Variants in SPATA6L observed in about 807,000 individuals in gnomAD.
SPATA6L encodes spermatogenesis associated 6 like, also known as spermatogenesis associated 6-like protein.
In SPATA6L, 68 loss-of-function variants were observed where a neutral mutation model predicts 49.2. That is an observed-to-expected ratio of 1.38 (90% CI 1.14 to 1.69). SPATA6L has a LOEUF of 1.69. SPATA6L is among the 40% of genes most tolerant of loss of function. The probability of loss-of-function intolerance (pLI) is 0.00; values close to 1 mark genes in which losing one functional copy is unlikely to be tolerated. For synonymous variants in SPATA6L, 198 were observed against 165.7 expected (o/e 1.19, Z -1.50); for missense variants, 668 against 464.3 (o/e 1.44, Z -4.03).
intron 3 of SPATA6L, among the ~76,000 whole-genome samples, chr9:4,646,853 A>C (rs1835496205): frequency 6.6e-6 from 1 of 152,178 alleles, no homozygotes; most frequent in South Asian, 2.1e-4. Flanking sequence ...TCACTTAAAA[A>C]TGGGAGTTAA....
intron 3 of SPATA6L, among the ~76,000 whole-genome samples, chr9:4,651,692 T>TAAA (rs78203548): frequency 1.3e-5 from 2 of 151,840 alleles, no homozygotes; most frequent in Non-Finnish European, 2.9e-5. Flanking sequence ...AAATAAAGGA[T>TAAA]AAAAAAATCA....
At chr9:4,627,932 T>C in intron 5 of SPATA6L, 1 of 653,814 alleles carries the variant, frequency 1.5e-6, no homozygotes, top group Non-Finnish European at 2.3e-6. Flanking sequence ...TCAGCCATTA[T>C]TTTTTATGTC....
At position 4,600,757 on chromosome 9, in the gene SPATA6L, T is replaced by C. The variant is rs1231831463; in HGVS notation, c.*54A>G. 6.6e-6 allele frequency: 1 copy of C among 152,240 alleles called. No individual in the cohort carries two copies. Among genetic ancestry groups the C allele is most frequent in the Non-Finnish European group, 1.5e-5 (1 of 68,046 alleles). 9.4% of individuals were successfully genotyped at this position (152,240 alleles called of 1,614,324 possible). A position where few individuals can be genotyped will look rare whatever the true frequency, so the allele number is the denominator to read the frequency against. ...TTCATTTCTTTAAGGATGCTTCAAT[T>C]GTCTCAGTGAGTGAGCTCTTCATGA... On this transcript the variant is annotated 3_prime_UTR_variant, in exon 12 of 12. Coordinates refer to ENST00000682582, the MANE Select transcript of SPATA6L (RefSeq NM_001353486.2).
chr9:4,654,964 G>A (rs1233494381), intron 3 of SPATA6L, among the ~76,000 whole-genome samples: 4 of 151,950 alleles, frequency 2.6e-5, no homozygotes, highest in South Asian at 2.1e-4. Flanking sequence ...TCCCTTCCCT[G>A]GTCCATATCA....
Position 4,599,226 on chromosome 9 carries a change from G to C in SPATA6L, c.*1585C>G, listed in dbSNP as rs2129991921. Among the ~76,000 whole-genome samples the C allele has an allele frequency of 6.6e-6, 1 of 152,268 alleles. No individual in the cohort carries two copies. The highest frequency in any genetic ancestry group is 1.5e-5 in the Non-Finnish European group (1 of 68,018). Reference sequence around the variant, plus strand: ...AATTTTTCACTTATGGTGTTATATTGGTGCTCAAAAAGTTTTGGATTTTGG... The same window carrying C: ...AATTTTTCACTTATGGTGTTATATTCGTGCTCAAAAAGTTTTGGATTTTGG... On this transcript the variant is annotated 3_prime_UTR_variant, in exon 12 of 12. Coordinates refer to ENST00000682582, the MANE Select transcript of SPATA6L (RefSeq NM_001353486.2).
chr9:4,605,375 G>C lies in SPATA6L; in HGVS notation c.1061C>G (p.Ser354Cys), dbSNP rs752361198. Residue 354 changes from serine to cysteine, a missense_variant, in exon 10 of 12, where the codon TCC becomes TGC. Physicochemically the swap from Ser to Cys is moderately radical, Grantham distance 112. Transcript: ENST00000682582. ...IHERVCSLLT[S>C]HRAQLHQNKE... ...GTTTTGGTGCAGCTGTGCTCTGTGG[G>C]ATGTCAGAAGACTGCATACCCTCTC... 1 of 1,614,084 alleles carries C rather than the reference G, an allele frequency of 6.2e-7. No homozygotes were observed. Among genetic ancestry groups the C allele is most frequent in the South Asian group, 1.1e-5 (1 of 91,080 alleles).
chr9:4,614,610 T>C (rs1435519060), intron 9 of SPATA6L, among the ~76,000 whole-genome samples: 1 of 152,146 alleles, frequency 6.6e-6, no homozygotes, highest in East Asian at 1.9e-4. Context: ...TAAAATATTA[T>C]CTTCAGAGCC....
At chr9:4,592,436 C>T (rs1408523403) in intron 13 of SPATA6L, among the ~76,000 whole-genome samples, 2 of 152,044 alleles carry the variant, frequency 1.3e-5, no homozygotes, top group Non-Finnish European at 2.9e-5. Flanking sequence ...CATTTAATTT[C>T]ATAACAGCAT....
chr9:4,633,853 A>G (rs929173319), intron 4 of SPATA6L: 1 of 152,210 alleles, frequency 6.6e-6, no homozygotes, highest in Admixed American at 6.5e-5. Context: ...GCTTTATAGA[A>G]TGGTTGAGAG....
chr9:4,663,120 T>C, intron 1 of SPATA6L: 6 of 1,614,080 alleles, frequency 3.7e-6, no homozygotes, highest in Non-Finnish European at 5.1e-6. Context: ...CTTGGGCCTA[T>C]CCAGGGTCAT....
intron 3 of SPATA6L, among the ~76,000 whole-genome samples, chr9:4,651,864 A>G (rs1003787988): frequency 6.6e-6 from 1 of 152,178 alleles, no homozygotes; most frequent in African/African-American, 2.4e-5. Context: ...TGAAAAACTG[A>G]ATGCTTTTTC....
At chr9:4,635,001 T>C (rs944821785) in intron 4 of SPATA6L, among the ~76,000 whole-genome samples, 8 of 152,332 alleles carry the variant, frequency 5.3e-5, no homozygotes, top group South Asian at 2.1e-4. Flanking sequence ...AAACAAATCT[T>C]ACTGTTAATC....
intron 2 of SPATA6L, among the ~76,000 whole-genome samples, chr9:4,656,926 TACTAGCA>T (rs60397516): frequency 0.071 from 10,847 of 152,192 alleles, 881 homozygotes; most frequent in African/African-American, 0.19. Flanking sequence ...AAAAGCTAAG[TACTAGCA>T]ACTAGCAGCT....
At chr9:4,663,409 T>C in intron 1 of SPATA6L, 3 of 888,096 alleles carry the variant, frequency 3.4e-6, no homozygotes, top group Admixed American at 2.4e-5. Flanking sequence ...CTTGATGTGC[T>C]GCTAGGCTGG....
chr9:4,651,790 G>C (rs537952833), intron 3 of SPATA6L, among the ~76,000 whole-genome samples: 4 of 152,208 alleles, frequency 2.6e-5, no homozygotes, highest in East Asian at 3.9e-4. Context: ...GGAATAAAGA[G>C]GAACTTCCTC....
intron 2 of SPATA6L, among the ~76,000 whole-genome samples, chr9:4,656,522 T>A (rs1838267185): frequency 6.6e-6 from 1 of 152,002 alleles, no homozygotes; most frequent in Non-Finnish European, 1.5e-5. Context: ...CCGTAAATTA[T>A]ATTCTTCCAA....
chr9:4,614,871 T>C (rs1345738806), intron 9 of SPATA6L, among the ~76,000 whole-genome samples: 1 of 152,168 alleles, frequency 6.6e-6, no homozygotes, highest in Non-Finnish European at 1.5e-5. Context: ...AGATGGCCAA[T>C]AAAACTCTGG....
At chr9:4,631,461 T>A (rs1287173120) in intron 4 of SPATA6L, among the ~76,000 whole-genome samples, 1 of 152,006 alleles carries the variant, frequency 6.6e-6, no homozygotes, top group Non-Finnish European at 1.5e-5. Context: ...TAATATTATA[T>A]ATTATCTGAT....
At chr9:4,590,518 C>G (rs1053705677) in intron 13 of SPATA6L, among the ~76,000 whole-genome samples, 1 of 152,166 alleles carries the variant, frequency 6.6e-6, no homozygotes, top group Admixed American at 6.5e-5. Flanking sequence ...TAAGGTATCA[C>G]CAAGTTCAAA....
Sources: gnomAD v4.1 joint callset for allele counts (sites outside exome capture counted in the v4.1 genomes callset) on GRCh38, gnomAD v4.1.1 for gene constraint, MANE v1.5 for transcripts, NCBI Gene and HGNC (gene_info 2026-07-23, HGNC 2026-07-21) for gene names.